AP1M1: variants seen among roughly 807,000 people sequenced by gnomAD.
AP1M1 encodes the protein adaptor related protein complex 1 subunit mu 1.
In AP1M1, 18 loss-of-function variants were observed where a neutral mutation model predicts 57.1. The ratio of observed to expected loss-of-function variants is 0.32; its 90% CI spans 0.22 to 0.47. The LOEUF (loss-of-function observed/expected upper bound fraction) is 0.47, where lower values mean the gene tolerates loss of function less well. Ranked by LOEUF, AP1M1 falls within the 20% of genes least tolerant of loss-of-function variation. The pLI is 1.00. For synonymous variants in AP1M1, 241 were observed against 237.9 expected (o/e 1.01, Z -0.12); for missense variants, 362 against 593.5 (o/e 0.61, Z 4.05).
chr19:16,209,186 CTT>C lies in AP1M1; in HGVS notation c.546+12_546+13del, dbSNP rs774747966. On this transcript the variant is annotated intron_variant, in intron 5 of 11. Transcript: ENST00000291439. The stretch of plus-strand genomic sequence containing the variant: ...AGTCTGTCAACCTCTTGGTAGGCCT[CTT>C]TTCTTTCCTTCTTCTGTAGGGTTTT... The C allele has an allele frequency of 3.1e-6, 5 of 1,613,182 alleles. No homozygotes were observed. The African/African-American group carries it at 6.7e-5, about 22-fold the overall frequency.
intron 6 of AP1M1, 183 bp downstream of exon 6, chr19:16,226,730 G>A (rs1361162952): frequency 5.0e-6 from 4 of 792,238 alleles, no homozygotes; most frequent in South Asian, 4.8e-5. Context: ...CATAGAAGGT[G>A]CAGGGGAGTG....
rs906468784 is a variant in AP1M1, at chr19:16,236,267, A to G, written c.*1832A>G. 6.6e-6 allele frequency: 1 copy of G among 152,348 alleles called. No homozygotes were observed. Among genetic ancestry groups the G allele is most frequent in the African/African-American group, 2.4e-5 (1 of 41,466 alleles). The allele number at this position is 152,348 out of a possible 1,614,324, so 9.4% of individuals were successfully genotyped here. On this transcript the variant is annotated 3_prime_UTR_variant, in exon 12 of 12. Coordinates refer to ENST00000291439, the MANE Select transcript of AP1M1 (RefSeq NM_032493.4). Reference sequence around the variant, plus strand: ...CAGGGACAGGAGAGGGCTGGTCCACAGGACAGAAGAGAGACTTCAGTTTCC... The same window carrying G: ...CAGGGACAGGAGAGGGCTGGTCCACGGGACAGAAGAGAGACTTCAGTTTCC...
chr19:16,223,920 G>T (rs1247711144), intron 5 of AP1M1, among the ~76,000 whole-genome samples: 3 of 152,242 alleles, frequency 2.0e-5, no homozygotes, highest in African/African-American at 7.2e-5. Context: ...CCTGCGGTGT[G>T]GGTGGACTGT....
At position 16,242,623 on chromosome 19, in the gene AP1M1, C is replaced by A. The variant is rs1161811752; in HGVS notation, c.*8188C>A. 1 of 152,090 alleles carries A rather than the reference C, an allele frequency of 6.6e-6. No individual in the cohort carries two copies. The highest frequency in any genetic ancestry group is 2.4e-5 in the African/African-American group (1 of 41,418). 9.4% of individuals were successfully genotyped at this position (152,090 alleles called of 1,614,324 possible). On this transcript the variant is annotated 3_prime_UTR_variant, in exon 12 of 12. Transcript: ENST00000291439. ...CACAACACAATTGAAAGTAAAAAAA[C>A]ATTAAAAGATGTGACACTTAAAATA...
intron 1 of AP1M1, among the ~76,000 whole-genome samples, chr19:16,202,247 G>A (rs555671123): frequency 8.5e-5 from 13 of 152,312 alleles, no homozygotes; most frequent in East Asian, 3.9e-4. Flanking sequence ...GGTCAGCGCC[G>A]CAATGGCCTT....
Position 16,197,975 on chromosome 19 carries a change from T to TCACTGCCGCCGCCACCGCCCTCGGC in AP1M1, c.-51_-50insACTGCCGCCGCCACCGCCCTCGGCC. 4.1e-6 allele frequency: 6 copies of TCACTGCCGCCGCCACCGCCCTCGGC among 1,451,814 alleles called. No individual in the cohort carries two copies. The highest frequency in any genetic ancestry group is 4.7e-5 in the Admixed American group (2 of 42,446). 89.9% of individuals were successfully genotyped at this position (1,451,814 alleles called of 1,614,324 possible). On this transcript the variant is annotated 5_prime_UTR_variant, in exon 1 of 12. Transcript: ENST00000291439. ...GCTCAACGCCCAGCAGTCCCCACCG[T>TCACTGCCGCCGCCACCGCCCTCGGC]CGCTGCCGCCGCCACCGCCCTCGGC...
chr19:16,230,621 G>T (rs568276905), intron 9 of AP1M1, among the ~76,000 whole-genome samples: 3 of 152,220 alleles, frequency 2.0e-5, no homozygotes, highest in African/African-American at 7.2e-5. Context: ...AGCTGGTGAC[G>T]AACTCCTGAC....
chr19:16,199,339 C>G (rs1009438544), intron 1 of AP1M1, among the ~76,000 whole-genome samples: 3 of 152,192 alleles, frequency 2.0e-5, no homozygotes, highest in African/African-American at 7.2e-5. Flanking sequence ...CCCAGAGGAT[C>G]TGAGAAAACT....
At position 16,236,886 on chromosome 19, in the gene AP1M1, AG is replaced by A. The variant is rs2018389674; in HGVS notation, c.*2453del. ...TGCATGAAAGCAAACTTGAAACAGC[AG>A]GATCAGATCCTCACGAACTTCAAAG... On this transcript the variant is annotated 3_prime_UTR_variant, in exon 12 of 12. Coordinates refer to ENST00000291439, the MANE Select transcript of AP1M1 (RefSeq NM_032493.4). 1 of 147,346 alleles carries A rather than the reference AG, an allele frequency of 6.8e-6. No individual in the cohort carries two copies. Among genetic ancestry groups the A allele is most frequent in the Non-Finnish European group, 1.5e-5 (1 of 67,982 alleles). The allele number at this position is 147,346 out of a possible 1,614,324, so 9.1% of individuals were successfully genotyped here.
At chr19:16,210,351 T>G in intron 5 of AP1M1, 1 of 717,476 alleles carries the variant, frequency 1.4e-6, no homozygotes, top group Non-Finnish European at 2.6e-6. Context: ...TAAGTTTTCA[T>G]CTCTCTAGGG....
In AP1M1 at chr19:16,243,396, G is replaced by A. The variant is rs1177480197; in HGVS notation, c.*8961G>A. On this transcript the variant is annotated 3_prime_UTR_variant, in exon 12 of 12. Coordinates refer to ENST00000291439, the MANE Select transcript of AP1M1 (RefSeq NM_032493.4). Reference sequence around the variant, plus strand: ...TAGTCCTCCCATCTCAGTCTCACAAGTAGCTGGGATTACAGGTGAGCACCA... The same window carrying A: ...TAGTCCTCCCATCTCAGTCTCACAAATAGCTGGGATTACAGGTGAGCACCA... 1.3e-5 allele frequency: 2 copies of A among 149,048 alleles called. No homozygotes were observed. Among genetic ancestry groups the A allele is most frequent in the Admixed American group, 6.7e-5 (1 of 14,832 alleles). 9.2% of individuals were successfully genotyped at this position (149,048 alleles called of 1,614,324 possible).
At position 16,228,419 on chromosome 19, in the gene AP1M1, C is replaced by G. The variant is rs1319522028; in HGVS notation, c.888+211C>G. Among the ~76,000 whole-genome samples the G allele has an allele frequency of 6.6e-6, 1 of 152,178 alleles. No individual in the cohort carries two copies. Among genetic ancestry groups the G allele is most frequent in the Non-Finnish European group, 1.5e-5 (1 of 68,032 alleles). On this transcript the variant is annotated intron_variant, in intron 8 of 11. Transcript: ENST00000291439. This position sits in a 1 kb window ranked among gnomAD's most constrained non-coding sequence, Gnocchi z 5.0. ...GGGGAGGGGCCTGTAGCCAGGCATC[C>G]AGGACACTCCCAGAGGTGTTGCCCC... is the stretch of plus-strand genomic sequence containing the variant.
intron 5 of AP1M1, among the ~76,000 whole-genome samples, chr19:16,212,147 G>T (rs752255255): frequency 1.3e-5 from 2 of 151,938 alleles, no homozygotes; most frequent in African/African-American, 4.8e-5. Context: ...CTCCTCCTCC[G>T]TTTTTTTGGA....
rs1296207819 is a variant in AP1M1, at chr19:16,243,675, C to CTCA, written c.*9242_*9244dup. On this transcript the variant is annotated 3_prime_UTR_variant, in exon 12 of 12. Coordinates refer to ENST00000291439, the MANE Select transcript of AP1M1 (RefSeq NM_032493.4). ...ATTAGAGAATGGCCAGGTGCAGTGG[C>CTCA]TCATGTCTATAATCCCAGCACTTTA... 6.6e-6 allele frequency: 1 copy of CTCA among 152,072 alleles called. No individual in the cohort carries two copies. Among genetic ancestry groups the CTCA allele is most frequent in the African/African-American group, 2.4e-5 (1 of 41,380 alleles). The allele number at this position is 152,072 out of a possible 1,614,324, so 9.4% of individuals were successfully genotyped here. A position where few individuals can be genotyped will look rare whatever the true frequency, so the allele number is the denominator to read the frequency against.
intron 10 of AP1M1, 164 bp from the exon 11 acceptor site, chr19:16,234,035 A>G (rs761766036): frequency 1.5e-6 from 1 of 687,688 alleles, no homozygotes; most frequent in Non-Finnish European, 2.4e-6. Flanking sequence ...CCTCCCACAC[A>G]TTTGCATGGT....
chr19:16,198,182 CAG>C (rs2091432316), intron 1 of AP1M1, 114 bp downstream of exon 1: 2 of 1,233,322 alleles, frequency 1.6e-6, no homozygotes, highest in African/African-American at 1.6e-5. Flanking sequence ...TGGTGTGAGG[CAG>C]AGAGGCCGGT....
chr19:16,233,573 C>A lies in AP1M1; in HGVS notation c.1128C>A (p.Ile376=). 1.2e-6 allele frequency: 2 copies of A among 1,610,622 alleles called. No homozygotes were observed. Among genetic ancestry groups the A allele is most frequent in the South Asian group, 2.2e-5 (2 of 90,178 alleles). The part of the protein sequence containing the change: ...EAEDKEGKPP[I]SVKFEIPYFT... ...AAGACAAGGAGGGCAAGCCCCCGAT[C>A]AGTGTCAAGTTCGAGATCCCTTACT... Residue 376 remains isoleucine (I), a synonymous_variant, in exon 10 of 12, where the codon ATC becomes ATA. Coordinates refer to ENST00000291439, the MANE Select transcript of AP1M1 (RefSeq NM_032493.4).
rs1226886842 is a variant in AP1M1 at position 16,208,077 on chromosome 19, T to C, written c.326T>C (p.Ile109Thr). 1 of 1,614,032 alleles carries C rather than the reference T, an allele frequency of 6.2e-7. No individual in the cohort carries two copies. Among genetic ancestry groups the C allele is most frequent in the Non-Finnish European group, 8.5e-7 (1 of 1,179,968 alleles). ...GAGAGCATCCGGGACAACTTTGTTA[T>C]CATCTACGAGCTGCTGGACGAGCTC... ...EEESIRDNFV[I>T]IYELLDELMD... The change falls in exon 4 of 12, where the codon ATC (isoleucine) becomes ACC (threonine). Residue 109 changes from isoleucine (I) to threonine (T), a missense_variant. Transcript: ENST00000291439.
chr19:16,243,977 A>G lies in AP1M1; in HGVS notation c.*9542A>G, dbSNP rs895512571. The G allele has an allele frequency of 2.6e-5, 4 of 152,186 alleles. No individual in the cohort carries two copies. The highest frequency in any genetic ancestry group is 5.9e-5 in the Non-Finnish European group (4 of 68,032). 9.4% of individuals were successfully genotyped at this position (152,186 alleles called of 1,614,324 possible). On this transcript the variant is annotated 3_prime_UTR_variant, in exon 12 of 12. Transcript: ENST00000291439. ...AATTAGAGAATATTTTTCAATCTGGATGCAGGTGACATGGGTGTGCTCTCG... is the reference window on the plus strand; with the variant it reads ...AATTAGAGAATATTTTTCAATCTGGGTGCAGGTGACATGGGTGTGCTCTCG...
Sources: allele counts gnomAD v4.1 joint callset (sites outside exome capture counted in the v4.1 genomes callset), GRCh38; gene constraint gnomAD v4.1.1; non-coding constraint Gnocchi (gnomAD v3.1); transcripts MANE v1.5; gene names NCBI Gene and HGNC (gene_info 2026-07-23, HGNC 2026-07-21).